The following LPP variants were observed in gnomAD, a reference collection of about 807,000 sequenced individuals.
The protein encoded by LPP is lipoma-preferred partner.
A neutral mutation model predicts 60.4 loss-of-function variants in LPP; 38 were observed. The observed-to-expected ratio is 0.63, with a 90% CI of 0.49 to 0.83. The LOEUF is 0.83. Among genes scored for constraint, LPP ranks in the 40% least tolerant of loss-of-function variants. The probability of loss-of-function intolerance (pLI) is 0.00; values close to 1 mark genes in which losing one functional copy is unlikely to be tolerated. For missense variants in LPP, 902 were observed against 783.6 expected, an observed-to-expected ratio of 1.15 and a Z score of -1.80; for synonymous variants, 328 against 290.8, an observed-to-expected ratio of 1.13 and a Z score of -1.30.
chr3:188,620,172 C>A (rs768777752), intron 7 of LPP, among the ~76,000 whole-genome samples: 5 of 151,776 alleles, frequency 3.3e-5, no homozygotes, highest in Non-Finnish European at 7.4e-5. Flanking sequence ...AATTAAATGG[C>A]GATTAAATTA....
At chr3:188,317,147 A>G (rs1305080136) in intron 2 of LPP, among the ~76,000 whole-genome samples, 1 of 152,184 alleles carries the variant, frequency 6.6e-6, no homozygotes, top group East Asian at 1.9e-4. Flanking sequence ...GATGACGACG[A>G]TGAGTCTTCC....
At chr3:188,443,643 A>G (rs554263854) in intron 4 of LPP, among the ~76,000 whole-genome samples, 1 of 152,288 alleles carries the variant, frequency 6.6e-6, no homozygotes, top group African/African-American at 2.4e-5. Context: ...GCAGCTTCCA[A>G]ACGACTTTTG....
In LPP at chr3:188,631,443, T is replaced by C. The variant is rs1847838685; in HGVS notation, c.1113+21599T>C. Among the ~76,000 whole-genome samples the C allele has an allele frequency of 2.6e-5, 4 of 152,160 alleles. No homozygotes were observed. In the South Asian group the frequency reaches 8.3e-4, roughly 32 times the overall value. On this transcript the variant is annotated intron_variant, in intron 7 of 11. Coordinates refer to ENST00000617246, the MANE Select transcript of LPP (RefSeq NM_001375462.1). ...AGCTGATGAGTTCTATTTTGTGCAA[T>C]TAGCATCAAAAAGAAAAATCAAGTC...
intron 9 of LPP, among the ~76,000 whole-genome samples, chr3:188,862,727 AT>A (rs372553290): frequency 0.079 from 6,361 of 80,764 alleles, 351 homozygotes; most frequent in East Asian, 0.14. Context: ...AAATAAATAA[AT>A]AAATAAATAA....
At chr3:188,313,630 C>A (rs757117395) in intron 2 of LPP, among the ~76,000 whole-genome samples, 15 of 139,072 alleles carry the variant, frequency 1.1e-4, no homozygotes, top group Non-Finnish European at 2.1e-4. Flanking sequence ...GAGTGAGACT[C>A]CGTCTCAAAA....
At chr3:188,606,673 C>G (rs1166988236) in intron 6 of LPP, among the ~76,000 whole-genome samples, 1 of 151,978 alleles carries the variant, frequency 6.6e-6, no homozygotes, top group Non-Finnish European at 1.5e-5. Context: ...TCAAGACATT[C>G]CTAAAAAATA....
chr3:188,584,703 C>T (rs942300217), intron 6 of LPP, among the ~76,000 whole-genome samples: 1 of 151,688 alleles, frequency 6.6e-6, no homozygotes, highest in African/African-American at 2.4e-5. Context: ...CATCCTGTTC[C>T]CTTGCTTGTC....
chr3:188,207,799 G>GC (rs1286664005), intron 1 of LPP, among the ~76,000 whole-genome samples: 1 of 151,656 alleles, frequency 6.6e-6, no homozygotes, highest in Non-Finnish European at 1.5e-5. Context: ...CTTCATCTGT[G>GC]CCCCCCTGCT....
chr3:188,714,579 C>T (rs1370124848), intron 8 of LPP, among the ~76,000 whole-genome samples: 1 of 150,814 alleles, frequency 6.6e-6, no homozygotes, highest in Non-Finnish European at 1.5e-5. Context: ...TTAACTGTCT[C>T]AGCTGGGTTT....
intron 9 of LPP, among the ~76,000 whole-genome samples, chr3:188,862,066 T>A (rs543805624): frequency 6.6e-6 from 1 of 152,342 alleles, no homozygotes; most frequent in East Asian, 1.9e-4. Flanking sequence ...ATGAACTTTG[T>A]AGTCCCTGGG....
At chr3:188,387,653 G>A (rs761148462) in intron 3 of LPP, among the ~76,000 whole-genome samples, 1 of 149,608 alleles carries the variant, frequency 6.7e-6, no homozygotes, top group Non-Finnish European at 1.5e-5. Context: ...TGCAACCTCC[G>A]CCTCCTGGGT....
At chr3:188,709,017 A>G (rs1270069093) in intron 8 of LPP, 1 of 152,186 alleles carries the variant, frequency 6.6e-6, no homozygotes, top group Non-Finnish European at 1.5e-5. Flanking sequence ...AAAAATGTGG[A>G]ATTGGATATT....
chr3:188,636,786 C>T (rs1393045094), intron 7 of LPP, among the ~76,000 whole-genome samples: 1 of 152,050 alleles, frequency 6.6e-6, no homozygotes. Flanking sequence ...AGGCACCCCC[C>T]TGCAGGGGCA....
intron 6 of LPP, among the ~76,000 whole-genome samples, chr3:188,603,212 G>A (rs1053642264): frequency 1.3e-5 from 2 of 151,832 alleles, no homozygotes; most frequent in African/African-American, 4.8e-5. Flanking sequence ...CTAGACACTG[G>A]CATTCTCATT....
intron 9 of LPP, among the ~76,000 whole-genome samples, chr3:188,770,823 A>G (rs1577444208): frequency 6.6e-6 from 1 of 152,216 alleles, no homozygotes; most frequent in Admixed American, 6.5e-5. Flanking sequence ...GCCAGCTGCT[A>G]TTCTGCATTC....
intron 5 of LPP, among the ~76,000 whole-genome samples, chr3:188,495,085 T>TTA (rs1560478021): frequency 1.9e-5 from 2 of 107,158 alleles, no homozygotes; most frequent in African/African-American, 6.7e-5. Context: ...TATATATATT[T>TTA]TATTTATATT....
intron 7 of LPP, among the ~76,000 whole-genome samples, chr3:188,687,792 T>G (rs1219523819): frequency 6.8e-6 from 1 of 147,500 alleles, no homozygotes; most frequent in East Asian, 1.9e-4. Flanking sequence ...TTTTTTTTTT[T>G]GAGATGAAGT....
chr3:188,252,666 C>G (rs1250056632), intron 2 of LPP, among the ~76,000 whole-genome samples: 1 of 152,058 alleles, frequency 6.6e-6, no homozygotes, highest in African/African-American at 2.4e-5. Context: ...TTGCACATGT[C>G]CTATTAGGAG....
intron 9 of LPP, among the ~76,000 whole-genome samples, chr3:188,801,192 G>C (rs1747153332): frequency 6.6e-6 from 1 of 152,118 alleles, no homozygotes; most frequent in Non-Finnish European, 1.5e-5. Context: ...CCTAGATTTT[G>C]TCATAAAGTC....
Sources: allele counts gnomAD v4.1 joint callset (sites outside exome capture counted in the v4.1 genomes callset), GRCh38; gene constraint gnomAD v4.1.1; transcripts MANE v1.5; gene names NCBI Gene and HGNC (gene_info 2026-07-23, HGNC 2026-07-21).